Variants in HRH1 observed in about 807,000 individuals in gnomAD.
HRH1 encodes the protein histamine H1 receptor.
In HRH1, 6 loss-of-function variants were observed where a neutral mutation model predicts 10.3. The observed-to-expected ratio is 0.58, with a 90% confidence interval of 0.32 to 1.15. HRH1 has a LOEUF of 1.15. HRH1 is among the 50% of genes most tolerant of loss of function. The pLI, the probability that HRH1 is intolerant of heterozygous loss-of-function variation, is 0.05. For missense variants in HRH1, 514 were observed against 615.3 expected (o/e 0.84, Z 1.74); for synonymous variants, 242 against 236.7 (o/e 1.02, Z -0.21).
At chr3:11,194,122 G>A (rs1937598426) in intron 1 of HRH1, among the ~76,000 whole-genome samples, 1 of 152,198 alleles carries the variant, frequency 6.6e-6, no homozygotes. Flanking sequence ...AAAATGGGCT[G>A]TGCCCCAGAC....
intron 1 of HRH1, among the ~76,000 whole-genome samples, chr3:11,257,335 C>T (rs1365078765): frequency 6.6e-6 from 1 of 151,168 alleles, no homozygotes; most frequent in Admixed American, 6.6e-5. Context: ...GTGGGTGGAT[C>T]ACCTGAGGTC....
chr3:11,186,125 CT>C (rs1937447975), intron 1 of HRH1, among the ~76,000 whole-genome samples: 2 of 152,264 alleles, frequency 1.3e-5, no homozygotes, highest in South Asian at 4.1e-4. Flanking sequence ...GTTTTAAGCC[CT>C]TTCAATGCTG....
At chr3:11,211,875 T>C (rs1270785926) in intron 1 of HRH1, among the ~76,000 whole-genome samples, 1 of 152,220 alleles carries the variant, frequency 6.6e-6, no homozygotes, top group Non-Finnish European at 1.5e-5. Context: ...GAAGCGTTTC[T>C]TAGACAGGCT....
chr3:11,234,499 G>A (rs146503662), intron 1 of HRH1: 144 of 1,461,060 alleles, frequency 9.9e-5, no homozygotes, highest in African/African-American at 8.2e-4. Context: ...CACAGGGGCC[G>A]CTGGCCATTC....
intron 1 of HRH1, among the ~76,000 whole-genome samples, chr3:11,228,148 A>G (rs537884958): frequency 6.6e-6 from 1 of 152,342 alleles, no homozygotes; most frequent in South Asian, 2.1e-4. Context: ...TCACTTACTG[A>G]ACTCCTCCTA....
intron 1 of HRH1, among the ~76,000 whole-genome samples, chr3:11,254,181 C>T (rs1432634004): frequency 6.6e-6 from 1 of 152,270 alleles, no homozygotes; most frequent in East Asian, 1.9e-4. Context: ...CCATGGGGCT[C>T]AATCTCTCTT....
chr3:11,217,214 CA>C (rs36051207), intron 1 of HRH1, among the ~76,000 whole-genome samples: 42,799 of 137,108 alleles, frequency 0.31, 7,081 homozygotes, highest in Non-Finnish European at 0.41. Flanking sequence ...CAAACAAAAC[CA>C]AAAAAAAAAA....
chr3:11,245,404 A>T (rs1308457712), intron 1 of HRH1, among the ~76,000 whole-genome samples: 1 of 152,122 alleles, frequency 6.6e-6, no homozygotes, highest in Non-Finnish European at 1.5e-5. Context: ...TTCAAATCTT[A>T]ACTTAGCAAC....
chr3:11,194,138 G>A (rs921711334), intron 1 of HRH1, among the ~76,000 whole-genome samples: 7 of 152,194 alleles, frequency 4.6e-5, no homozygotes, highest in Non-Finnish European at 7.3e-5. Context: ...CAGACCTGGG[G>A]CCTTTATGAG....
At chr3:11,221,438 C>T (rs1286674537) in intron 1 of HRH1, among the ~76,000 whole-genome samples, 1 of 151,744 alleles carries the variant, frequency 6.6e-6, no homozygotes, top group Non-Finnish European at 1.5e-5. Context: ...ACCTGTAATC[C>T]CAGCTACTTG....
intron 1 of HRH1, among the ~76,000 whole-genome samples, chr3:11,258,614 G>A (rs534959346): frequency 1.3e-5 from 2 of 152,144 alleles, no homozygotes; most frequent in Non-Finnish European, 2.9e-5. Flanking sequence ...CTGTAAAGAG[G>A]AACTGGATTG....
rs376450222 is a variant in HRH1 at position 11,237,664 on chromosome 3, C to CTT, written c.-35-21311_-35-21310dup. ...AAATATTTCTTTTCTTTTTCTTTTCCTTTTTTTTTTTTTTTTTTTTTTTTT... is the reference window on the plus strand; with the variant it reads ...AAATATTTCTTTTCTTTTTCTTTTCCTTTTTTTTTTTTTTTTTTTTTTTTTTT... On this transcript the variant is annotated intron_variant, in intron 1 of 1. Coordinates refer to ENST00000431010, the MANE Select transcript of HRH1 (RefSeq NM_001098212.2). 7.0e-3 allele frequency among the ~76,000 whole-genome samples: 578 copies of CTT among 83,080 alleles called. 39 individuals are homozygous for CTT. The highest frequency in any genetic ancestry group is 0.014 in the African/African-American group (285 of 20,736). 54.5% of individuals were successfully genotyped at this position (83,080 alleles called of 152,430 possible). A position where few individuals can be genotyped will look rare whatever the true frequency, so the allele number is the denominator to read the frequency against.
intron 1 of HRH1, among the ~76,000 whole-genome samples, chr3:11,231,272 T>C (rs571238502): frequency 6.6e-6 from 1 of 152,366 alleles, no homozygotes; most frequent in South Asian, 2.1e-4. Context: ...ATTGAGCTAT[T>C]ATGAATAAAA....
intron 1 of HRH1, among the ~76,000 whole-genome samples, chr3:11,148,095 G>A (rs1242069944): frequency 2.0e-5 from 3 of 151,336 alleles, no homozygotes; most frequent in Non-Finnish European, 2.9e-5. Context: ...CAGGAGAAAC[G>A]CTTGAACCCA....
chr3:11,263,217 AGTGGCT>A lies in HRH1; in HGVS notation c.*2717_*2722del. On this transcript the variant is annotated 3_prime_UTR_variant, in exon 2 of 2. Coordinates refer to ENST00000431010, the MANE Select transcript of HRH1 (RefSeq NM_001098212.2). Reference sequence around the variant, plus strand: ...CCCACTAAGAAAGCCCCAGCCCATCAGTGGCTAATGGCTTTAATAAATTGGTCATTT... The same window carrying A: ...CCCACTAAGAAAGCCCCAGCCCATCAAATGGCTTTAATAAATTGGTCATTT... 6.0e-6 allele frequency: 1 copy of A among 167,242 alleles called. No homozygotes were observed. 10.4% of individuals were successfully genotyped at this position (167,242 alleles called of 1,614,324 possible).
At position 11,214,129 on chromosome 3, in the gene HRH1, C is replaced by G. The variant is rs536433688; in HGVS notation, c.-35-44874C>G. 3.2e-4 allele frequency among the ~76,000 whole-genome samples: 48 copies of G among 151,972 alleles called. 2 individuals are homozygous for G. In the Middle Eastern group the frequency reaches 0.02, roughly 65 times the overall value. On this transcript the variant is annotated intron_variant, in intron 1 of 1. Transcript: ENST00000431010. ...ACAGGTCAGATATGTTCCCTGAACT[C>G]CAGAGGCTGCAAACAGGAGGGGGAG...
At chr3:11,207,225 G>A (rs949340923) in intron 1 of HRH1, among the ~76,000 whole-genome samples, 1 of 152,028 alleles carries the variant, frequency 6.6e-6, no homozygotes, top group Non-Finnish European at 1.5e-5. Context: ...TGAAGGCCAG[G>A]CTCAGGCAGA....
intron 1 of HRH1, among the ~76,000 whole-genome samples, chr3:11,196,315 C>T (rs1937648620): frequency 1.3e-5 from 2 of 152,226 alleles, no homozygotes; most frequent in Admixed American, 1.3e-4. Flanking sequence ...TTTCCTCCCT[C>T]TTCAGCCTCC....
chr3:11,198,901 T>TAC (rs1491456900), intron 1 of HRH1, among the ~76,000 whole-genome samples: 6,948 of 86,004 alleles, frequency 0.081, 315 homozygotes, highest in African/African-American at 0.19. Flanking sequence ...TCTCTCTCTT[T>TAC]ATACACACAC....
Sources: allele counts gnomAD v4.1 joint callset (sites outside exome capture counted in the v4.1 genomes callset), GRCh38; gene constraint gnomAD v4.1.1; transcripts MANE v1.5; gene names NCBI Gene and HGNC (gene_info 2026-07-23, HGNC 2026-07-21).